ZFPM1: variants seen among roughly 807,000 people sequenced by gnomAD.
ZFPM1 encodes zinc finger protein, FOG family member 1.
ZFPM1 carries 28 observed loss-of-function variants against 46.3 expected under a neutral mutation model. The observed-to-expected ratio is 0.60, with a 90% CI of 0.45 to 0.83. The LOEUF (loss-of-function observed/expected upper bound fraction) is 0.83. ZFPM1 is among the 40% of genes least tolerant of loss of function. The pLI, the probability that ZFPM1 is intolerant of heterozygous loss-of-function variation, is 0.00. For missense variants in ZFPM1, 1,878 were observed against 1,432.4 expected, an observed-to-expected ratio of 1.31 and a Z score of -5.02; for synonymous variants, 957 against 675.9, an observed-to-expected ratio of 1.42 and a Z score of -6.45.
At chr16:88,468,134 G>C (rs1449302889) in intron 1 of ZFPM1, among the ~76,000 whole-genome samples, 1 of 109,318 alleles carries the variant, frequency 9.1e-6, no homozygotes, top group African/African-American at 3.6e-5. Flanking sequence ...ACGCACCCGC[G>C]AGCCCACTGC....
intron 3 of ZFPM1, among the ~76,000 whole-genome samples, chr16:88,511,764 C>A (rs1012734051): frequency 2.0e-5 from 3 of 152,210 alleles, no homozygotes; most frequent in Non-Finnish European, 4.4e-5. Context: ...GAATGCTGCA[C>A]AAGGGCACCT....
At chr16:88,478,176 G>A (rs1041406158) in intron 1 of ZFPM1, among the ~76,000 whole-genome samples, 11 of 152,342 alleles carry the variant, frequency 7.2e-5, no homozygotes, top group Admixed American at 4.6e-4. Flanking sequence ...GGCACAGCCC[G>A]GGTGGTGGGC....
rs1301703271 is a variant in ZFPM1, at chr16:88,534,349, G to C, written c.2391G>C (p.Leu797=). The C allele has an allele frequency of 2.1e-6, 3 of 1,413,522 alleles. No individual in the cohort carries two copies. The highest frequency in any genetic ancestry group is 1.4e-5 in the South Asian group (1 of 72,802). The allele number at this position is 1,413,522 out of a possible 1,614,324, so 87.6% of individuals were successfully genotyped here. A position where few individuals can be genotyped will look rare whatever the true frequency, so the allele number is the denominator to read the frequency against. ...PGPAADGPID[L]SKKPRRPLPG... is the part of the protein sequence containing the mutation. The stretch of plus-strand genomic sequence containing the variant: ...CCGCGGCCGACGGCCCCATCGACCT[G>C]AGCAAGAAGCCGCGGCGCCCGCTCC... The change falls in exon 10 of 10, where the codon CTG becomes CTC. Residue 797 remains leucine (L), a synonymous_variant. Transcript: ENST00000319555.
chr16:88,516,247 G>C (rs902579822), intron 4 of ZFPM1: 17 of 398,510 alleles, frequency 4.3e-5, no homozygotes, highest in Non-Finnish European at 7.5e-5. Context: ...GGGCTGAGGG[G>C]CTGGCACCGG....
At chr16:88,505,173 C>A (rs971423391) in intron 3 of ZFPM1, among the ~76,000 whole-genome samples, 1 of 152,342 alleles carries the variant, frequency 6.6e-6, no homozygotes. Context: ...CTCTCCCTCG[C>A]CCGGTGGCTG....
rs554378921 is a variant in ZFPM1 at position 88,504,284 on chromosome 16, T to C, written c.269-10103T>C. The stretch of plus-strand genomic sequence containing the variant: ...AAATATGTTCTGTGCAAACAGCTTA[T>C]CTGACATCCTGTTTTCAGCCACCAA... On this transcript the variant is annotated intron_variant, in intron 3 of 9. Coordinates refer to ENST00000319555, the MANE Select transcript of ZFPM1 (RefSeq NM_153813.3). Among the ~76,000 whole-genome samples the C allele has an allele frequency of 1.3e-3, 193 of 152,216 alleles. 1 individual carries two copies. The highest frequency in any genetic ancestry group is 0.012 in the Admixed American group (190 of 15,296).
In ZFPM1 at chr16:88,514,496, C is replaced by A. The variant is rs756330789; in HGVS notation, c.378C>A (p.Ala126=). The A allele has an allele frequency of 1.2e-5, 19 of 1,563,420 alleles. No individual in the cohort carries two copies. The South Asian group carries it at 1.8e-4, about 15-fold the overall frequency. Residue 126 remains alanine, a synonymous_variant, in exon 4 of 10, where the codon GCC becomes GCA. Coordinates refer to ENST00000319555, the MANE Select transcript of ZFPM1 (RefSeq NM_153813.3). ...TCCATGGGAGTGTCCAGACCAGAGC[C>A]TCATCCCCCAGGCAGGCGGAGCCGG... The part of the protein sequence containing the change: ...GPFHGSVQTR[A]SSPRQAEPSP...
intron 3 of ZFPM1, among the ~76,000 whole-genome samples, chr16:88,491,913 C>T (rs1027991768): frequency 3.9e-5 from 6 of 152,142 alleles, no homozygotes; most frequent in African/African-American, 7.2e-5. Context: ...CGGGGCGGCC[C>T]GTGCGTCGAT....
chr16:88,460,799 T>A (rs746606731), intron 1 of ZFPM1, among the ~76,000 whole-genome samples: 1 of 152,138 alleles, frequency 6.6e-6, no homozygotes, highest in Non-Finnish European at 1.5e-5. Context: ...GAAGAGGACC[T>A]GACTTATTCA....
rs1567525347 is a variant in ZFPM1 at position 88,460,933 on chromosome 16, GCCT to G, written c.40+7256_40+7258del. 1.5e-4 allele frequency among the ~76,000 whole-genome samples: 17 copies of G among 110,296 alleles called. 1 individual carries two copies. The highest frequency in any genetic ancestry group is 6.3e-4 in the African/African-American group (16 of 25,478). 72.4% of individuals were successfully genotyped at this position (110,296 alleles called of 152,430 possible). On this transcript the variant is annotated intron_variant, in intron 1 of 9. Transcript: ENST00000319555. ...TGAGGACCGAGGGGCGGGGCGGGAG[GCCT>G]GGTGATGACCGAGGGGCGGGGCGGG...
chr16:88,453,963 G>T (rs1907415499), intron 1 of ZFPM1, among the ~76,000 whole-genome samples: 1 of 152,248 alleles, frequency 6.6e-6, no homozygotes, highest in African/African-American at 2.4e-5. Flanking sequence ...GGCCCCTCGC[G>T]GCCTGCCCCT....
chr16:88,517,149 G>A (rs1911352118), intron 4 of ZFPM1, among the ~76,000 whole-genome samples: 1 of 150,248 alleles, frequency 6.7e-6, no homozygotes, highest in South Asian at 2.1e-4. Flanking sequence ...AAACACTCGT[G>A]GTGGATGGGT....
chr16:88,468,220 C>T lies in ZFPM1; in HGVS notation c.40+14542C>T, dbSNP rs1424948707. ...GCCCCTCAAGCACCCGCGAGCCCAC[C>T]GCCCCTCAAGCACCCGCGAGCCCAC... On this transcript the variant is annotated intron_variant, in intron 1 of 9. Transcript: ENST00000319555. 4.0e-5 allele frequency among the ~76,000 whole-genome samples: 6 copies of T among 149,834 alleles called. No homozygotes were observed. In the South Asian group the frequency reaches 6.4e-4, roughly 16 times the overall value.
chr16:88,513,585 G>A (rs1024132190), intron 3 of ZFPM1, among the ~76,000 whole-genome samples: 10 of 152,214 alleles, frequency 6.6e-5, no homozygotes, highest in African/African-American at 1.2e-4. Flanking sequence ...GAGGAGCCAC[G>A]TCCCTGTTGT....
rs1272556693 is a variant in ZFPM1 at position 88,534,550 on chromosome 16, G to T, written c.2592G>T (p.Pro864=). The change falls in exon 10 of 10, where the codon CCG becomes CCT. Residue 864 remains proline (P), a synonymous_variant. Coordinates refer to ENST00000319555, the MANE Select transcript of ZFPM1 (RefSeq NM_153813.3). ...GCCCCTACTGCCCCCCGAACGGCCC[G>T]GTGCGCGGGGACCTGCTGGAGCATT... ...AACPYCPPNG[P]VRGDLLEHFR... 7.4e-7 allele frequency: 1 copy of T among 1,357,616 alleles called. No homozygotes were observed. The highest frequency in any genetic ancestry group is 9.5e-7 in the Non-Finnish European group (1 of 1,057,468). 84.1% of individuals were successfully genotyped at this position (1,357,616 alleles called of 1,614,324 possible).
At chr16:88,511,509 C>T (rs147443391) in intron 3 of ZFPM1, among the ~76,000 whole-genome samples, 192 of 152,278 alleles carry the variant, frequency 1.3e-3, no homozygotes, top group Non-Finnish European at 2.1e-3. Context: ...CTCAGCATCC[C>T]CCGGCCCTAG....
intron 3 of ZFPM1, among the ~76,000 whole-genome samples, chr16:88,511,022 G>A (rs1293711724): frequency 6.6e-6 from 1 of 152,172 alleles, no homozygotes; most frequent in Non-Finnish European, 1.5e-5. Flanking sequence ...TTCAGCTGCA[G>A]AGACAACCTG....
intron 5 of ZFPM1, 126 bp from the exon 6 acceptor site, chr16:88,527,906 C>A (rs1487890773): frequency 1.0e-6 from 1 of 968,376 alleles, no homozygotes; most frequent in Non-Finnish European, 1.5e-6. Context: ...ATGGCCCTGG[C>A]AGCCAGCCAG....
At chr16:88,463,562 C>A (rs764020383) in intron 1 of ZFPM1, among the ~76,000 whole-genome samples, 13 of 152,268 alleles carry the variant, frequency 8.5e-5, no homozygotes, top group Non-Finnish European at 1.9e-4. Flanking sequence ...ACGTCCTTCT[C>A]CCGGCAGCCT....
Sources: allele counts gnomAD v4.1 joint callset (sites outside exome capture counted in the v4.1 genomes callset), GRCh38; gene constraint gnomAD v4.1.1; transcripts MANE v1.5; gene names NCBI Gene and HGNC (gene_info 2026-07-23, HGNC 2026-07-21).